The following DROSHA variants were observed in gnomAD, a reference collection of about 807,000 sequenced individuals.
DROSHA encodes ribonuclease 3.
DROSHA carries 56 observed loss-of-function variants against 181.9 expected under a neutral mutation model. The ratio of observed to expected loss-of-function variants is 0.31; its 90% CI spans 0.25 to 0.38. The LOEUF is 0.38. Among genes scored for constraint, DROSHA ranks in the 10% least tolerant of loss-of-function variants. The probability of loss-of-function intolerance (pLI) is 1.00; values close to 1 mark genes in which losing one functional copy is unlikely to be tolerated. For synonymous variants in DROSHA, 524 were observed against 591.2 expected (o/e 0.89, Z 1.65); for missense variants, 1,218 against 1,743.5 (o/e 0.70, Z 5.37).
chr5:31,454,798 G>A (rs1747443484), intron 20 of DROSHA, among the ~76,000 whole-genome samples: 1 of 151,890 alleles, frequency 6.6e-6, no homozygotes. Context: ...AAATTAGCCG[G>A]GTGTGGTGAT....
chr5:31,439,815 A>G (rs542016346), intron 23 of DROSHA, among the ~76,000 whole-genome samples: 179 of 152,234 alleles, frequency 1.2e-3, no homozygotes, highest in African/African-American at 4.2e-3. Context: ...GGGATGTACA[A>G]GGGGAGAAAA....
intron 5 of DROSHA, among the ~76,000 whole-genome samples, chr5:31,524,814 A>T (rs1473778918): frequency 6.6e-6 from 1 of 152,222 alleles, no homozygotes; most frequent in African/African-American, 2.4e-5. Flanking sequence ...TCTTTTGAAA[A>T]AAGAAATGTA....
At chr5:31,452,334 G>A (rs761556577) in intron 20 of DROSHA, among the ~76,000 whole-genome samples, 3 of 152,178 alleles carry the variant, frequency 2.0e-5, no homozygotes, top group Non-Finnish European at 4.4e-5. Context: ...CCCTAAGTTT[G>A]ACATTTAATG....
chr5:31,445,992 AGAT>A (rs1380795703), intron 23 of DROSHA, among the ~76,000 whole-genome samples: 1 of 152,206 alleles, frequency 6.6e-6, no homozygotes, highest in East Asian at 1.9e-4. Context: ...TGCTATTTGT[AGAT>A]GATATTATTT....
chr5:31,403,273 C>T (rs1385392480), intron 35 of DROSHA, among the ~76,000 whole-genome samples: 9 of 152,310 alleles, frequency 5.9e-5, no homozygotes, highest in African/African-American at 2.2e-4. Context: ...ATAAACTCTA[C>T]TGTAAAATCA....
At position 31,409,787 on chromosome 5, in the gene DROSHA, G is replaced by T. The variant is rs879743894; in HGVS notation, c.3668-455C>A. Reference sequence around the variant, plus strand: ...GTTAAATTTAATGAACAGAAATGGGGTAATTTATAGATTCAATCTGCCCAA... The same window carrying T: ...GTTAAATTTAATGAACAGAAATGGGTTAATTTATAGATTCAATCTGCCCAA... On this transcript the variant is annotated intron_variant, in intron 31 of 35. Transcript: ENST00000344624. This position sits in a 1 kb window ranked among gnomAD's most constrained non-coding sequence, Gnocchi z 4.0. Among the ~76,000 whole-genome samples the T allele has an allele frequency of 2.0e-5, 3 of 152,046 alleles. No homozygotes were observed. Among genetic ancestry groups the T allele is most frequent in the Admixed American group, 1.3e-4 (2 of 15,256 alleles).
At chr5:31,523,976 C>A (rs1173459831) in intron 5 of DROSHA, among the ~76,000 whole-genome samples, 23 of 105,056 alleles carry the variant, frequency 2.2e-4, no homozygotes, top group South Asian at 9.4e-4. Context: ...ACTTTGTCTC[C>A]AAAAAAAAAA....
In DROSHA at chr5:31,409,404, C is replaced by G. The variant is rs1334148553; in HGVS notation, c.3668-72G>C. On this transcript the variant is annotated intron_variant, in intron 31 of 35. Transcript: ENST00000344624. This position sits in a 1 kb window ranked among gnomAD's most constrained non-coding sequence, Gnocchi z 4.0. ...TATCAGAAAGAGTAAGAGACCTAGA[C>G]CTTTAAGCAAAATTTTAGTAATAGT... 1.4e-6 allele frequency: 2 copies of G among 1,417,446 alleles called. No individual in the cohort carries two copies. Among genetic ancestry groups the G allele is most frequent in the Non-Finnish European group, 1.9e-6 (2 of 1,048,872 alleles). The allele number at this position is 1,417,446 out of a possible 1,614,324, so 87.8% of individuals were successfully genotyped here.
At chr5:31,508,825 G>T in intron 9 of DROSHA, 50 bp from the exon 10 acceptor site, 3 of 1,262,330 alleles carry the variant, frequency 2.4e-6, no homozygotes, top group Non-Finnish European at 3.1e-6. Context: ...TTAACAAACT[G>T]GTTTTTTTTT....
chr5:31,410,669 T>C (rs1741199900), intron 31 of DROSHA, 77 bp downstream of exon 31: 1 of 1,500,582 alleles, frequency 6.7e-7, no homozygotes, highest in Non-Finnish European at 8.9e-7. Flanking sequence ...ATAATAATAA[T>C]GAGGAGGAGG....
intron 23 of DROSHA, among the ~76,000 whole-genome samples, chr5:31,440,504 A>G (rs1745444849): frequency 6.6e-6 from 1 of 152,174 alleles, no homozygotes; most frequent in Admixed American, 6.5e-5. Flanking sequence ...CTATTCCTCC[A>G]CATTTTGGAA....
intron 16 of DROSHA, among the ~76,000 whole-genome samples, chr5:31,477,025 A>G (rs1750450207): frequency 2.6e-5 from 4 of 152,226 alleles, no homozygotes; most frequent in African/African-American, 9.6e-5. Context: ...AGGACATGAT[A>G]TAAATGAGAA....
At chr5:31,491,752 C>T (rs900884449) in intron 13 of DROSHA, among the ~76,000 whole-genome samples, 3 of 149,952 alleles carry the variant, frequency 2.0e-5, no homozygotes, top group Non-Finnish European at 4.4e-5. Flanking sequence ...TAGTACCTTT[C>T]CATAAAGATT....
chr5:31,403,006 C>T (rs1740213998), intron 35 of DROSHA, among the ~76,000 whole-genome samples: 1 of 152,150 alleles, frequency 6.6e-6, no homozygotes, highest in South Asian at 2.1e-4. Flanking sequence ...TGGTCTCAAA[C>T]TCCTGGCCTC....
intron 6 of DROSHA, among the ~76,000 whole-genome samples, chr5:31,516,753 A>G (rs1365114279): frequency 6.6e-6 from 1 of 152,232 alleles, no homozygotes; most frequent in African/African-American, 2.4e-5. Context: ...GTAGTAAATC[A>G]GGAACACCTA....
intron 27 of DROSHA, among the ~76,000 whole-genome samples, chr5:31,425,518 T>C (rs1743353926): frequency 6.6e-6 from 1 of 152,130 alleles, no homozygotes; most frequent in South Asian, 2.1e-4. Context: ...TCACCCTAAG[T>C]GGACATTTAT....
Position 31,526,847 on chromosome 5 carries a change from G to T in DROSHA, c.86C>A (p.Pro29His). The change falls in exon 5 of 36, where the codon CCC becomes CAC. Residue 29 changes from proline to histidine, a missense_variant. Coordinates refer to ENST00000344624, the MANE Select transcript of DROSHA (RefSeq NM_001382508.1). ...PRGRGGHGARPSAPSFRPQNL... is the reference protein window; with the variant it reads ...PRGRGGHGARHSAPSFRPQNL... The stretch of plus-strand genomic sequence containing the variant: ...TTGGGGCCTAAAGGATGGTGCTGAG[G>T]GTCTGGCTCCATGTCCTCCTCGTCC... 6.2e-7 allele frequency: 1 copy of T among 1,613,404 alleles called. No homozygotes were observed.
At position 31,409,462 on chromosome 5, in the gene DROSHA, C is replaced by T; in HGVS notation, c.3668-130G>A. On this transcript the variant is annotated intron_variant, in intron 31 of 35. Coordinates refer to ENST00000344624, the MANE Select transcript of DROSHA (RefSeq NM_001382508.1). The surrounding 1 kb of genome is among the most constrained non-coding windows in gnomAD (Gnocchi z 4.0). ...TCCAGGCCCTCTTTATTTTTCAGTGCTACCATTTCATCTTCCCCCACTTTT... is the reference window on the plus strand; with the variant it reads ...TCCAGGCCCTCTTTATTTTTCAGTGTTACCATTTCATCTTCCCCCACTTTT... The T allele has an allele frequency of 1.3e-6, 1 of 745,126 alleles. No individual in the cohort carries two copies. The highest frequency in any genetic ancestry group is 2.2e-6 in the Non-Finnish European group (1 of 457,276). The allele number at this position is 745,126 out of a possible 1,614,324, so 46.2% of individuals were successfully genotyped here. A position where few individuals can be genotyped will look rare whatever the true frequency, so the allele number is the denominator to read the frequency against.
At position 31,508,677 on chromosome 5, in the gene DROSHA, T is replaced by C. The variant is rs1272347075; in HGVS notation, c.1531A>G (p.Lys511Glu). 3.1e-6 allele frequency: 5 copies of C among 1,613,952 alleles called. No homozygotes were observed. Among genetic ancestry groups the C allele is most frequent in the Non-Finnish European group, 3.4e-6 (4 of 1,179,870 alleles). The stretch of plus-strand genomic sequence containing the variant: ...TGAAGTCGGTCAGGGTGGGCCTTTT[T>C]GCGTTTGATTTCTGCAATAACGTCA... ...VFDVIAEIKR[K>E]KAHPDRLHDE... The change falls in exon 10 of 36, where the codon AAA becomes GAA. Residue 511 changes from lysine (K) to glutamate (E), a missense_variant. Lys to Glu is a moderately conservative substitution (Grantham distance 56). Coordinates refer to ENST00000344624, the MANE Select transcript of DROSHA (RefSeq NM_001382508.1).
Sources: gnomAD v4.1 joint callset for allele counts (sites outside exome capture counted in the v4.1 genomes callset) on GRCh38, gnomAD v4.1.1 for gene constraint, Gnocchi (gnomAD v3.1) non-coding constraint, MANE v1.5 for transcripts, NCBI Gene and HGNC (gene_info 2026-07-23, HGNC 2026-07-21) for gene names.